The following ARFIP1 variants were observed in gnomAD, a reference collection of about 807,000 sequenced individuals.
ARFIP1 encodes the protein ARF interacting protein 1.
Under a neutral mutation model 42.5 loss-of-function variants are expected in ARFIP1, and 24 were observed. The observed-to-expected ratio is 0.57, with a 90% CI of 0.41 to 0.80. The LOEUF (loss-of-function observed/expected upper bound fraction) is 0.80, where lower values mean the gene tolerates loss of function less well. Ranked by LOEUF, ARFIP1 falls within the 30% of genes least tolerant of loss-of-function variation. The pLI is 0.00. For synonymous variants in ARFIP1, 141 were observed against 153.7 expected, an observed-to-expected ratio of 0.92 and a Z score of 0.61; for missense variants, 354 against 434.0, an observed-to-expected ratio of 0.82 and a Z score of 1.64.
At chr4:152,885,205 C>CT (rs1736163885) in intron 7 of ARFIP1, among the ~76,000 whole-genome samples, 1 of 152,094 alleles carries the variant, frequency 6.6e-6, no homozygotes, top group Admixed American at 6.6e-5. Flanking sequence ...ATTTCCTTCT[C>CT]TGTCAAAGCC....
chr4:152,786,510 G>T (rs1213379563), intron 1 of ARFIP1, among the ~76,000 whole-genome samples: 2 of 152,142 alleles, frequency 1.3e-5, no homozygotes, highest in East Asian at 3.8e-4. Context: ...CATGACTCTT[G>T]AATTTTTCTA....
chr4:152,886,852 T>TG (rs1736303318), intron 7 of ARFIP1, among the ~76,000 whole-genome samples: 1 of 151,976 alleles, frequency 6.6e-6, no homozygotes, highest in African/African-American at 2.4e-5. Flanking sequence ...AATGAATGAA[T>TG]GGTTCTCTTT....
At chr4:152,814,188 T>C (rs1404734507) in intron 1 of ARFIP1, among the ~76,000 whole-genome samples, 1 of 151,056 alleles carries the variant, frequency 6.6e-6, no homozygotes, top group African/African-American at 2.4e-5. Flanking sequence ...CTCCCTGGGC[T>C]CAGGTGATCT....
At chr4:152,785,284 AT>A (rs1264542628) in intron 1 of ARFIP1, among the ~76,000 whole-genome samples, 1 of 152,168 alleles carries the variant, frequency 6.6e-6, no homozygotes, top group Non-Finnish European at 1.5e-5. Flanking sequence ...TCCTCATTTT[AT>A]TTTTACTCCA....
intron 1 of ARFIP1, among the ~76,000 whole-genome samples, chr4:152,816,468 C>A (rs1221769820): frequency 6.6e-6 from 1 of 152,204 alleles, no homozygotes; most frequent in African/African-American, 2.4e-5. Flanking sequence ...AGTGTTGTAG[C>A]TGTCTTTATG....
chr4:152,839,789 T>G (rs1038307706), intron 2 of ARFIP1, among the ~76,000 whole-genome samples: 1 of 151,860 alleles, frequency 6.6e-6, no homozygotes, highest in Non-Finnish European at 1.5e-5. Flanking sequence ...TTTCATTTAG[T>G]TCTGCTCTGA....
chr4:152,814,837 G>A (rs1469016683), intron 1 of ARFIP1, among the ~76,000 whole-genome samples: 1 of 152,248 alleles, frequency 6.6e-6, no homozygotes, highest in Non-Finnish European at 1.5e-5. Flanking sequence ...CTAGGAGACG[G>A]AAAGTTACTT....
intron 1 of ARFIP1, among the ~76,000 whole-genome samples, chr4:152,816,929 C>G (rs541200501): frequency 6.6e-6 from 1 of 152,180 alleles, no homozygotes; most frequent in Non-Finnish European, 1.5e-5. Flanking sequence ...TTAAATGTTA[C>G]CTCTGTTAAG....
intron 8 of ARFIP1, among the ~76,000 whole-genome samples, chr4:152,900,605 AG>A (rs1351963865): frequency 6.6e-6 from 1 of 152,168 alleles, no homozygotes; most frequent in African/African-American, 2.4e-5. Context: ...TTAACATGAC[AG>A]GCATTTCCAA....
chr4:152,850,648 A>G (rs1435798489), intron 2 of ARFIP1: 1 of 152,230 alleles, frequency 6.6e-6, no homozygotes, highest in Non-Finnish European at 1.5e-5. Flanking sequence ...TTCACATTCC[A>G]ACTCAGTGAG....
At chr4:152,852,317 T>C (rs754414191) in intron 2 of ARFIP1, among the ~76,000 whole-genome samples, 11 of 152,208 alleles carry the variant, frequency 7.2e-5, no homozygotes, top group African/African-American at 1.7e-4. Context: ...CACAGACTTA[T>C]ATAACTGATA....
At chr4:152,891,759 A>G (rs967635001) in intron 8 of ARFIP1, among the ~76,000 whole-genome samples, 1 of 152,126 alleles carries the variant, frequency 6.6e-6, no homozygotes, top group African/African-American at 2.4e-5. Context: ...CCCAGGCTGG[A>G]GTGCAGTGAT....
intron 1 of ARFIP1, among the ~76,000 whole-genome samples, chr4:152,811,844 C>T (rs1561114877): frequency 6.6e-6 from 1 of 152,000 alleles, no homozygotes; most frequent in Non-Finnish European, 1.5e-5. Flanking sequence ...TGGTTTGGGG[C>T]CTTATTCTGC....
At chr4:152,870,051 C>T (rs529825096) in intron 3 of ARFIP1, among the ~76,000 whole-genome samples, 137 of 152,290 alleles carry the variant, frequency 9.0e-4, no homozygotes, top group Non-Finnish European at 1.7e-3. Flanking sequence ...TATTCTACAT[C>T]AGCACTTCTC....
intron 1 of ARFIP1, among the ~76,000 whole-genome samples, chr4:152,787,622 T>C (rs1300323317): frequency 1.3e-5 from 2 of 152,222 alleles, no homozygotes; most frequent in African/African-American, 4.8e-5. Flanking sequence ...TCCACATGAG[T>C]GGCTGAGATA....
At chr4:152,863,065 T>G (rs1734017611) in intron 2 of ARFIP1, among the ~76,000 whole-genome samples, 1 of 152,212 alleles carries the variant, frequency 6.6e-6, no homozygotes, top group African/African-American at 2.4e-5. Context: ...TGTTATAGGC[T>G]AATTTGCAGT....
At chr4:152,897,209 A>G (rs1202613326) in intron 8 of ARFIP1, among the ~76,000 whole-genome samples, 2 of 152,174 alleles carry the variant, frequency 1.3e-5, no homozygotes, top group Non-Finnish European at 2.9e-5. Flanking sequence ...CATCCAACCC[A>G]TACCTGTTTG....
At chr4:152,894,405 A>T (rs1490127065) in intron 8 of ARFIP1, among the ~76,000 whole-genome samples, 2 of 152,156 alleles carry the variant, frequency 1.3e-5, no homozygotes, top group Non-Finnish European at 2.9e-5. Flanking sequence ...GTTAATACCT[A>T]ATGTGCACAA....
intron 1 of ARFIP1, chr4:152,796,340 T>C: frequency 1.3e-6 from 1 of 750,148 alleles, no homozygotes; most frequent in Non-Finnish European, 2.3e-6. Context: ...GATGAATCTT[T>C]CATATTTAGG....
Sources: allele counts gnomAD v4.1 joint callset (sites outside exome capture counted in the v4.1 genomes callset), GRCh38; gene constraint gnomAD v4.1.1; transcripts MANE v1.5; gene names NCBI Gene and HGNC (gene_info 2026-07-23, HGNC 2026-07-21).